CACNA2D2: variants seen among roughly 807,000 people sequenced by gnomAD.
CACNA2D2 encodes the protein calcium voltage-gated channel auxiliary subunit alpha2delta 2, also known as voltage-dependent calcium channel subunit alpha-2/delta-2.
CACNA2D2 carries 48 observed loss-of-function variants against 166.4 expected under a neutral mutation model. That is an observed-to-expected ratio of 0.29 (90% CI 0.23 to 0.37). The LOEUF is 0.37. Among genes scored for constraint, CACNA2D2 ranks in the 10% least tolerant of loss-of-function variants. CACNA2D2 has a pLI of 1.00. For synonymous variants in CACNA2D2, 561 were observed against 573.7 expected (o/e 0.98, Z 0.32); for missense variants, 1,122 against 1,433.0 (o/e 0.78, Z 3.50).
intron 13 of CACNA2D2, among the ~76,000 whole-genome samples, 194 bp downstream of exon 13, chr3:50,378,721 G>C (rs1053984485): frequency 6.6e-6 from 1 of 152,218 alleles, no homozygotes; most frequent in South Asian, 2.1e-4. Flanking sequence ...CAGACAGACG[G>C]GCAAAAAGAG....
At chr3:50,502,956 G>A (rs1218671269) in intron 1 of CACNA2D2, among the ~76,000 whole-genome samples, 1 of 152,126 alleles carries the variant, frequency 6.6e-6, no homozygotes, top group East Asian at 1.9e-4. Flanking sequence ...AACTCCTCCC[G>A]GGGCTTGAAG....
rs2109386936 is a variant in CACNA2D2, at chr3:50,362,836, C to T, written c.*1830G>A. 1 of 302,034 alleles carries T rather than the reference C, an allele frequency of 3.3e-6. No homozygotes were observed. The highest frequency in any genetic ancestry group is 2.1e-5 in the African/African-American group (1 of 46,722). The allele number at this position is 302,034 out of a possible 1,614,324, so 18.7% of individuals were successfully genotyped here. On this transcript the variant is annotated 3_prime_UTR_variant, in exon 38 of 38. Transcript: ENST00000424201. ...ATATGAACATTATTTAATAACTGAT[C>T]TTCTGTAATAAACCATTTGAAAATA...
Position 50,376,058 on chromosome 3 carries a change from C to G in CACNA2D2, c.1702-24G>C, listed in dbSNP as rs746638057. 6.2e-7 allele frequency: 1 copy of G among 1,613,228 alleles called. No homozygotes were observed. Among genetic ancestry groups the G allele is most frequent in the South Asian group, 1.1e-5 (1 of 91,062 alleles). On this transcript the variant is annotated intron_variant, in intron 18 of 37. Coordinates refer to ENST00000424201, the MANE Select transcript of CACNA2D2 (RefSeq NM_006030.4). The surrounding 1 kb of genome is among the most constrained non-coding windows in gnomAD (Gnocchi z 4.3). ...GTCTGTTGGAGGCAGGGTGGGAAGT[C>G]AGAAGTCCCCATTGTGGAAGGTTTG...
chr3:50,393,503 T>G (rs1479603665), intron 4 of CACNA2D2, among the ~76,000 whole-genome samples: 1 of 152,222 alleles, frequency 6.6e-6, no homozygotes, highest in Non-Finnish European at 1.5e-5. Flanking sequence ...AGGCCTAGGC[T>G]GGGATGGGTG....
In CACNA2D2 at chr3:50,490,585, C is replaced by T. The variant is rs534093652; in HGVS notation, c.206+12633G>A. 1.6e-4 allele frequency among the ~76,000 whole-genome samples: 25 copies of T among 152,352 alleles called. No homozygotes were observed. In the Middle Eastern group the frequency reaches 0.01, roughly 62 times the overall value. On this transcript the variant is annotated intron_variant, in intron 1 of 37. Transcript: ENST00000424201. ...GGAAGATATGTGGGAGTGGCCTATGCCCTCTGGCTCCAGCAAAGCCAGGCT... is the reference window on the plus strand; with the variant it reads ...GGAAGATATGTGGGAGTGGCCTATGTCCTCTGGCTCCAGCAAAGCCAGGCT...
chr3:50,364,855 C>G (rs929325945), intron 37 of CACNA2D2, 33 bp downstream of exon 37: 1 of 1,613,098 alleles, frequency 6.2e-7, no homozygotes, highest in African/African-American at 1.3e-5. Context: ...CGCAAGGCCG[C>G]GGGATTTCGG....
chr3:50,366,380 GC>G lies in CACNA2D2; in HGVS notation c.2638-43del. 1.3e-6 allele frequency: 2 copies of G among 1,598,538 alleles called. No homozygotes were observed. Among genetic ancestry groups the G allele is most frequent in the Non-Finnish European group, 1.7e-6 (2 of 1,165,990 alleles). On this transcript the variant is annotated intron_variant, in intron 30 of 37. Transcript: ENST00000424201. This position sits in a 1 kb window ranked among gnomAD's most constrained non-coding sequence, Gnocchi z 5.9. The stretch of plus-strand genomic sequence containing the variant: ...GGGGAGGAAAATGGAGAGGGGCTGG[GC>G]CCCGGACCTTCCACCGCAGGCAGTC...
In CACNA2D2 at chr3:50,503,331, G is replaced by A; in HGVS notation, c.93C>T (p.Pro31=). The A allele has an allele frequency of 2.1e-6, 1 of 465,492 alleles. No individual in the cohort carries two copies. Among genetic ancestry groups the A allele is most frequent in the South Asian group, 1.0e-4 (1 of 9,990 alleles). The allele number at this position is 465,492 out of a possible 1,614,324, so 28.8% of individuals were successfully genotyped here. A position where few individuals can be genotyped will look rare whatever the true frequency, so the allele number is the denominator to read the frequency against. Residue 31 remains proline (P), a synonymous_variant, in exon 1 of 38, where the codon CCC becomes CCT. Coordinates refer to ENST00000424201, the MANE Select transcript of CACNA2D2 (RefSeq NM_006030.4). ...PWPGCGPHPG[P]GTRRPTSGPP... ...GCCCGGACGTCGGGCGCCGGGTGCC[G>A]GGGCCAGGGTGGGGGCCGCAGCCGG...
rs980932683 is a variant in CACNA2D2 at position 50,384,444 on chromosome 3, C to A, written c.511-107G>T. ...AGGGCCAGAGTCCAGGAGATAGGGG[C>A]ATCTCAAAAAGAGAGACTATTGCAG... On this transcript the variant is annotated intron_variant, in intron 5 of 37. Coordinates refer to ENST00000424201, the MANE Select transcript of CACNA2D2 (RefSeq NM_006030.4). 9.3e-6 allele frequency: 12 copies of A among 1,284,340 alleles called. No individual in the cohort carries two copies. In the African/African-American group the frequency reaches 1.8e-4, roughly 19 times the overall value. The allele number at this position is 1,284,340 out of a possible 1,614,324, so 79.6% of individuals were successfully genotyped here.
intron 3 of CACNA2D2, among the ~76,000 whole-genome samples, chr3:50,398,064 T>C (rs1706249802): frequency 1.3e-5 from 2 of 152,024 alleles, no homozygotes; most frequent in African/African-American, 4.8e-5. Context: ...TCTTGATGGT[T>C]TGGGGACAGG....
At chr3:50,429,523 C>T (rs1175372283) in intron 3 of CACNA2D2, among the ~76,000 whole-genome samples, 5 of 143,786 alleles carry the variant, frequency 3.5e-5, no homozygotes, top group Admixed American at 7.6e-5. Flanking sequence ...GAGGCCGAGA[C>T]GGGCGGATCA....
At chr3:50,395,325 T>G (rs770922617) in intron 3 of CACNA2D2, among the ~76,000 whole-genome samples, 2 of 152,002 alleles carry the variant, frequency 1.3e-5, no homozygotes, top group African/African-American at 4.8e-5. Flanking sequence ...CAAGGTCACA[T>G]GGTGAGTCCG....
At chr3:50,368,278 GA>G in intron 23 of CACNA2D2, 43 bp from the exon 24 acceptor site, 1 of 1,269,364 alleles carries the variant, frequency 7.9e-7, no homozygotes, top group South Asian at 1.2e-5. Flanking sequence ...TGGGGGGCTG[GA>G]CAGGGCAATG....
chr3:50,479,092 C>T (rs182774960), intron 1 of CACNA2D2, among the ~76,000 whole-genome samples: 3 of 152,328 alleles, frequency 2.0e-5, no homozygotes, highest in Admixed American at 2.0e-4. Context: ...TATTTCAACA[C>T]TAAAATAATT....
At chr3:50,485,490 T>TA (rs1394174175) in intron 1 of CACNA2D2, among the ~76,000 whole-genome samples, 2 of 152,274 alleles carry the variant, frequency 1.3e-5, no homozygotes, top group African/African-American at 4.8e-5. Context: ...GGTAGCGCTG[T>TA]AAAACATGAC....
chr3:50,455,090 C>T (rs1229062406), intron 2 of CACNA2D2, among the ~76,000 whole-genome samples: 2 of 152,272 alleles, frequency 1.3e-5, no homozygotes, highest in African/African-American at 4.8e-5. Context: ...AACAGGCCCT[C>T]TCTGGGCCTT....
At chr3:50,458,938 C>A (rs1199360017) in intron 2 of CACNA2D2, among the ~76,000 whole-genome samples, 1 of 152,232 alleles carries the variant, frequency 6.6e-6, no homozygotes, top group Non-Finnish European at 1.5e-5. Context: ...AGCCCACCGA[C>A]CTCCATCAAC....
chr3:50,476,384 C>T (rs551714848), intron 1 of CACNA2D2, among the ~76,000 whole-genome samples, 185 bp from the exon 2 acceptor site: 2 of 152,302 alleles, frequency 1.3e-5, no homozygotes, highest in South Asian at 4.1e-4. Context: ...ACCCAGTGGC[C>T]CAGGTGCTCC....
At chr3:50,494,827 A>G (rs1424729740) in intron 1 of CACNA2D2, among the ~76,000 whole-genome samples, 4 of 151,878 alleles carry the variant, frequency 2.6e-5, no homozygotes, top group Admixed American at 6.6e-5. Context: ...GGTGTACACT[A>G]CTACACCTGG....
Sources: gnomAD v4.1 joint callset for allele counts (sites outside exome capture counted in the v4.1 genomes callset) on GRCh38, gnomAD v4.1.1 for gene constraint, Gnocchi (gnomAD v3.1) non-coding constraint, MANE v1.5 for transcripts, NCBI Gene and HGNC (gene_info 2026-07-23, HGNC 2026-07-21) for gene names.